Variants in FNDC3B observed in about 807,000 individuals in gnomAD.
FNDC3B encodes fibronectin type III domain-containing protein 3B.
FNDC3B carries 12 observed loss-of-function variants against 151.5 expected under a neutral mutation model. That is an observed-to-expected ratio of 0.08 (90% CI 0.05 to 0.13). The LOEUF is 0.13. Among genes scored for constraint, FNDC3B ranks in the 10% least tolerant of loss-of-function variants. FNDC3B has a pLI of 1.00. For missense variants in FNDC3B, 1,214 were observed against 1,505.3 expected (o/e 0.81, Z 3.20); for synonymous variants, 528 against 549.0 (o/e 0.96, Z 0.54).
intron 1 of FNDC3B, among the ~76,000 whole-genome samples, chr3:172,091,992 G>A (rs1245978055): frequency 2.0e-5 from 3 of 151,416 alleles, no homozygotes; most frequent in Admixed American, 2.0e-4. Flanking sequence ...ACTATAAGAT[G>A]AGTCAGTTTT....
intron 6 of FNDC3B, among the ~76,000 whole-genome samples, chr3:172,255,594 G>A (rs1180410638): frequency 6.6e-6 from 1 of 152,068 alleles, no homozygotes; most frequent in Non-Finnish European, 1.5e-5. Context: ...CTTAGTAAAG[G>A]CGGGGTTTTG....
chr3:172,163,927 T>G (rs1315748700), intron 3 of FNDC3B, among the ~76,000 whole-genome samples: 1 of 152,228 alleles, frequency 6.6e-6, no homozygotes, highest in Non-Finnish European at 1.5e-5. Context: ...TTTTAGCAGT[T>G]TTGACAGTCT....
chr3:172,262,894 C>CAAAAAAAAAAAAAAAAAAAAA (rs67891835), intron 6 of FNDC3B, among the ~76,000 whole-genome samples: 4 of 60,608 alleles, frequency 6.6e-5, no homozygotes, highest in African/African-American at 2.6e-4. Context: ...GAGACCGACT[C>CAAAAAAAAAAAAAAAAAAAAA]AAAAAAAAAA....
chr3:172,314,887 C>CT (rs1339883905), intron 11 of FNDC3B, among the ~76,000 whole-genome samples: 1 of 152,164 alleles, frequency 6.6e-6, no homozygotes, highest in Non-Finnish European at 1.5e-5. Context: ...GATCCACCAT[C>CT]TCTCCTCTCT....
intron 4 of FNDC3B, among the ~76,000 whole-genome samples, chr3:172,239,577 T>G (rs1483838863): frequency 6.6e-6 from 1 of 152,134 alleles, no homozygotes; most frequent in Non-Finnish European, 1.5e-5. Flanking sequence ...GCCCATTTCC[T>G]GGATCATCCT....
At chr3:172,144,236 A>G (rs1721787347) in intron 3 of FNDC3B, among the ~76,000 whole-genome samples, 1 of 152,124 alleles carries the variant, frequency 6.6e-6, no homozygotes, top group African/African-American at 2.4e-5. Context: ...ACTGAATGAG[A>G]ACTCACTCAT....
intron 1 of FNDC3B, among the ~76,000 whole-genome samples, chr3:172,049,113 G>A (rs1394686020): frequency 6.6e-6 from 1 of 152,178 alleles, no homozygotes; most frequent in African/African-American, 2.4e-5. Context: ...TTTTTGTTAT[G>A]TATATTTTAT....
At chr3:172,099,621 C>T (rs2108521423) in intron 1 of FNDC3B, among the ~76,000 whole-genome samples, 1 of 152,268 alleles carries the variant, frequency 6.6e-6, no homozygotes, top group Admixed American at 6.5e-5. Flanking sequence ...GCAGGAAGTA[C>T]CTGGCCCCCA....
At chr3:172,216,092 G>A (rs536951812) in intron 3 of FNDC3B, among the ~76,000 whole-genome samples, 16 of 152,280 alleles carry the variant, frequency 1.1e-4, no homozygotes, top group Non-Finnish European at 1.3e-4. Flanking sequence ...GAGAGAAAAT[G>A]CTGGGATGGT....
intron 6 of FNDC3B, among the ~76,000 whole-genome samples, chr3:172,266,697 G>C (rs1030020079): frequency 3.3e-5 from 5 of 152,170 alleles, no homozygotes; most frequent in Non-Finnish European, 7.3e-5. Flanking sequence ...TTCAAGACCA[G>C]CATCTTCAAA....
At chr3:172,378,218 C>G (rs1735253511) in intron 23 of FNDC3B, 52 bp from the exon 24 acceptor site, 1 of 1,471,054 alleles carries the variant, frequency 6.8e-7, no homozygotes. Context: ...TAATTAATTT[C>G]TTGTCATTAG....
At chr3:172,273,042 G>A (rs750217195) in intron 6 of FNDC3B, among the ~76,000 whole-genome samples, 10 of 152,104 alleles carry the variant, frequency 6.6e-5, no homozygotes, top group Non-Finnish European at 1.3e-4. Flanking sequence ...AAGTACGATC[G>A]TTTAATTGTT....
At chr3:172,263,597 T>TTG (rs1213939069) in intron 6 of FNDC3B, among the ~76,000 whole-genome samples, 11 of 107,966 alleles carry the variant, frequency 1.0e-4, no homozygotes, top group African/African-American at 3.0e-4. Flanking sequence ...TTTTTTTTTT[T>TTG]TTTTTTTTTT....
intron 21 of FNDC3B, among the ~76,000 whole-genome samples, chr3:172,350,719 G>A (rs9811624): frequency 0.18 from 28,085 of 151,992 alleles, 3,185 homozygotes; most frequent in East Asian, 0.53. Context: ...TGGGTGTGGT[G>A]GTATGTGCCT....
At chr3:172,202,074 G>A (rs747913311) in intron 3 of FNDC3B, among the ~76,000 whole-genome samples, 14 of 152,248 alleles carry the variant, frequency 9.2e-5, no homozygotes, top group Middle Eastern at 3.4e-3. Flanking sequence ...GAAATTTTGA[G>A]CTCCTTAAAA....
intron 10 of FNDC3B, among the ~76,000 whole-genome samples, chr3:172,309,266 A>G (rs1033552438): frequency 9.9e-5 from 15 of 152,218 alleles, no homozygotes; most frequent in African/African-American, 3.6e-4. Flanking sequence ...CTGTCCTTGA[A>G]TCCACAAAGA....
At chr3:172,156,601 C>T (rs1324499395) in intron 3 of FNDC3B, among the ~76,000 whole-genome samples, 5 of 152,060 alleles carry the variant, frequency 3.3e-5, no homozygotes, top group Middle Eastern at 3.2e-3. Context: ...AGATCTTCAA[C>T]GTTTCTTTGT....
intron 6 of FNDC3B, among the ~76,000 whole-genome samples, chr3:172,269,316 T>C (rs2108800884): frequency 6.6e-6 from 1 of 152,320 alleles, no homozygotes; most frequent in East Asian, 1.9e-4. Flanking sequence ...TGATATGCAG[T>C]CGCATGATCA....
chr3:172,389,946 C>T (rs1419968559), intron 25 of FNDC3B, among the ~76,000 whole-genome samples: 4 of 152,130 alleles, frequency 2.6e-5, no homozygotes, highest in African/African-American at 4.8e-5. Context: ...TTTTGCTGCA[C>T]CTATACCAAA....
Sources: gnomAD v4.1 joint callset for allele counts (sites outside exome capture counted in the v4.1 genomes callset) on GRCh38, gnomAD v4.1.1 for gene constraint, MANE v1.5 for transcripts, NCBI Gene and HGNC (gene_info 2026-07-23, HGNC 2026-07-21) for gene names.